Variants in COMMD2 observed in about 807,000 individuals in gnomAD.
COMMD2 encodes the protein COMM domain-containing protein 2.
COMMD2 carries 25 observed loss-of-function variants against 22.5 expected under a neutral mutation model. That is an observed-to-expected ratio of 1.11 (90% CI 0.81 to 1.55). The LOEUF is 1.55. Ranked by LOEUF, COMMD2 falls within the 40% of genes most tolerant of loss-of-function variation. COMMD2 has a pLI of 0.00. For missense variants in COMMD2, 223 were observed against 232.9 expected (o/e 0.96, Z 0.28); for synonymous variants, 98 against 91.2 (o/e 1.07, Z -0.42).
chr3:149,752,341 C>T, intron 1 of COMMD2, 37 bp downstream of exon 1: 1 of 1,613,826 alleles, frequency 6.2e-7, no homozygotes, highest in African/African-American at 1.3e-5. Flanking sequence ...TTGACCTCCT[C>T]CCCAGCCCAC....
At chr3:149,751,183 A>C in intron 3 of COMMD2, 1 of 610,610 alleles carries the variant, frequency 1.6e-6, no homozygotes, top group Middle Eastern at 4.2e-4. Context: ...CAACATGCAG[A>C]ATTAGAGGTA....
In COMMD2 at chr3:149,750,656, G is replaced by T. The variant is rs1177031103; in HGVS notation, c.402+22C>A. ...AAATAATTCTTATATTCTATGTTAA[G>T]TTAATTTTAAAAATGCTATACCTGT... On this transcript the variant is annotated intron_variant, in intron 4 of 4. Coordinates refer to ENST00000473414, the MANE Select transcript of COMMD2 (RefSeq NM_016094.4). The T allele has an allele frequency of 4.1e-6, 6 of 1,478,674 alleles. No individual in the cohort carries two copies. In the Admixed American group the frequency reaches 8.9e-5, roughly 22 times the overall value. The allele number at this position is 1,478,674 out of a possible 1,614,324, so 91.6% of individuals were successfully genotyped here. A position where few individuals can be genotyped will look rare whatever the true frequency, so the allele number is the denominator to read the frequency against.
At chr3:149,746,721 T>C (rs999883131) in intron 4 of COMMD2, among the ~76,000 whole-genome samples, 6 of 152,118 alleles carry the variant, frequency 3.9e-5, no homozygotes, top group Non-Finnish European at 8.8e-5. Flanking sequence ...AGGCGGAGCT[T>C]GCAGTGAGCC....
In COMMD2 at chr3:149,752,213, C is replaced by T. The variant is rs781184439; in HGVS notation, c.142G>A (p.Ala48Thr). Residue 48 changes from alanine to threonine, a missense_variant, in exon 2 of 5, where the codon GCC (alanine) becomes ACC (threonine). Ala to Thr is a moderately conservative substitution (Grantham distance 58, BLOSUM62 0). Coordinates refer to ENST00000473414, the MANE Select transcript of COMMD2 (RefSeq NM_016094.4). The part of the protein sequence containing the change: ...GANPKIYEGA[A>T]RKLNVSSDTV... ...GCCTTCCCCTTTCCCTTCTTACTGGCGGCGCCTTCGTAGATTTTTGGGTTT... is the reference window on the plus strand; with the variant it reads ...GCCTTCCCCTTTCCCTTCTTACTGGTGGCGCCTTCGTAGATTTTTGGGTTT... 1.2e-6 allele frequency: 2 copies of T among 1,613,650 alleles called. No homozygotes were observed. Among genetic ancestry groups the T allele is most frequent in the African/African-American group, 1.3e-5 (1 of 75,028 alleles).
chr3:149,741,827 TAC>T, intron 4 of COMMD2, 109 bp from the exon 5 acceptor site: 1 of 823,664 alleles, frequency 1.2e-6, no homozygotes, highest in South Asian at 1.7e-5. Flanking sequence ...TCAGATGAAT[TAC>T]AGACTTCAAA....
chr3:149,741,773 C>T lies in COMMD2; in HGVS notation c.403-55G>A, dbSNP rs1242772897. 3.1e-6 allele frequency: 4 copies of T among 1,282,990 alleles called. No individual in the cohort carries two copies. In the African/African-American group the frequency reaches 6.0e-5, roughly 19 times the overall value. 79.5% of individuals were successfully genotyped at this position (1,282,990 alleles called of 1,614,324 possible). A position where few individuals can be genotyped will look rare whatever the true frequency, so the allele number is the denominator to read the frequency against. ...AACTATTTAATAACCATGCTGAATA[C>T]ATAATATTTATAATTATCTTAAACC... On this transcript the variant is annotated intron_variant, in intron 4 of 4. Coordinates refer to ENST00000473414, the MANE Select transcript of COMMD2 (RefSeq NM_016094.4).
intron 3 of COMMD2, chr3:149,751,202 C>T: frequency 2.9e-6 from 2 of 700,586 alleles, no homozygotes; most frequent in Non-Finnish European, 2.3e-6. Context: ...TACTTCTATA[C>T]TAGCTATTTA....
chr3:149,746,944 C>G (rs1328177417), intron 4 of COMMD2, among the ~76,000 whole-genome samples: 1 of 152,174 alleles, frequency 6.6e-6, no homozygotes, highest in African/African-American at 2.4e-5. Flanking sequence ...CCTTATAAAA[C>G]TATCAGATCT....
intron 4 of COMMD2, among the ~76,000 whole-genome samples, chr3:149,747,300 G>C (rs1333752640): frequency 6.6e-6 from 1 of 152,228 alleles, no homozygotes; most frequent in Non-Finnish European, 1.5e-5. Flanking sequence ...GCTTGAGAAT[G>C]TAAGTGGAGA....
chr3:149,751,713 G>C (rs1312508204), intron 2 of COMMD2: 1 of 387,486 alleles, frequency 2.6e-6, no homozygotes, highest in African/African-American at 2.1e-5. Flanking sequence ...GTGGAGACTA[G>C]TATCAGGTGC....
chr3:149,742,818 T>C (rs1353604589), intron 4 of COMMD2, among the ~76,000 whole-genome samples: 1 of 151,766 alleles, frequency 6.6e-6, no homozygotes, highest in African/African-American at 2.4e-5. Context: ...AATACAAAAA[T>C]TAGCTGGCAT....
In COMMD2 at chr3:149,747,092, G is replaced by A. The variant is rs559726855; in HGVS notation, c.402+3586C>T. ...TTGGGTGGGGACATAGAACCAAACC[G>A]TATCAGTGGGTAAGAAAGGTGGGAT... On this transcript the variant is annotated intron_variant, in intron 4 of 4. Transcript: ENST00000473414. 1.2e-4 allele frequency among the ~76,000 whole-genome samples: 18 copies of A among 152,138 alleles called. No homozygotes were observed. In the South Asian group the frequency reaches 1.2e-3, roughly 10 times the overall value.
Sources: allele counts gnomAD v4.1 joint callset (sites outside exome capture counted in the v4.1 genomes callset), GRCh38; gene constraint gnomAD v4.1.1; transcripts MANE v1.5; gene names NCBI Gene and HGNC (gene_info 2026-07-23, HGNC 2026-07-21).